CD3E: variants seen among roughly 807,000 people sequenced by gnomAD.
CD3E encodes T-cell surface glycoprotein CD3 epsilon chain.
CD3E carries 16 observed loss-of-function variants against 34.7 expected under a neutral mutation model. The observed-to-expected ratio is 0.46, with a 90% CI of 0.31 to 0.70. The LOEUF is 0.70. CD3E is among the 30% of genes least tolerant of loss of function. CD3E has a pLI of 0.05. For synonymous variants in CD3E, 70 were observed against 90.8 expected (o/e 0.77, Z 1.30); for missense variants, 223 against 253.9 (o/e 0.88, Z 0.83).
chr11:118,307,513 G>C (rs1279855466), intron 3 of CD3E, among the ~76,000 whole-genome samples: 11 of 152,146 alleles, frequency 7.2e-5, no homozygotes, highest in Admixed American at 6.5e-5. Context: ...AGGAAATAAT[G>C]AGTCTTAACC....
At position 118,313,860 on chromosome 11, in the gene CD3E, G is replaced by A. The variant is rs775996414; in HGVS notation, c.506G>A (p.Gly169Asp). ...AKPVTRGAGA[G>D]GRQRGQNKER... ...CCTGTGACACGAGGAGCGGGTGCTG[G>A]CGGCAGGCAAAGGGGTAAGGCTGTG... The change falls in exon 7 of 9, where the codon GGC (glycine) becomes GAC (aspartate). Residue 169 changes from glycine (G) to aspartate (D), a missense_variant. By Grantham distance (94) the Gly-to-Asp change is moderately conservative. Coordinates refer to ENST00000361763, the MANE Select transcript of CD3E (RefSeq NM_000733.4). 2 of 1,613,272 alleles carry A rather than the reference G, an allele frequency of 1.2e-6. No homozygotes were observed. The highest frequency in any genetic ancestry group is 1.7e-6 in the Non-Finnish European group (2 of 1,180,024).
intron 5 of CD3E, 27 bp downstream of exon 5, chr11:118,312,197 C>T (rs752441095): frequency 6.2e-7 from 1 of 1,601,590 alleles, no homozygotes; most frequent in East Asian, 2.2e-5. Context: ...TTTATTTATG[C>T]CCTGTCTGAG....
At chr11:118,306,245 C>T (rs770241855) in intron 2 of CD3E, among the ~76,000 whole-genome samples, 11 of 151,938 alleles carry the variant, frequency 7.2e-5, no homozygotes, top group Non-Finnish European at 7.4e-5. Flanking sequence ...CCTGTAAGCC[C>T]AGCATTTTGG....
At position 118,308,301 on chromosome 11, in the gene CD3E, C is replaced by G. The variant is rs1591267560; in HGVS notation, c.71-126C>G. 5.3e-6 allele frequency: 4 copies of G among 749,576 alleles called. No individual in the cohort carries two copies. The South Asian group carries it at 5.9e-5, about 11-fold the overall frequency. The allele number at this position is 749,576 out of a possible 1,614,324, so 46.4% of individuals were successfully genotyped here. On this transcript the variant is annotated intron_variant, in intron 3 of 8. Coordinates refer to ENST00000361763, the MANE Select transcript of CD3E (RefSeq NM_000733.4). Reference sequence around the variant, plus strand: ...GCCCATAACAGCTTTTTCTATGCAGCTGAGGGAATTGGAAGATCCATTGTT... The same window carrying G: ...GCCCATAACAGCTTTTTCTATGCAGGTGAGGGAATTGGAAGATCCATTGTT...
At chr11:118,306,197 A>G (rs1948104266) in intron 2 of CD3E, among the ~76,000 whole-genome samples, 1 of 151,980 alleles carries the variant, frequency 6.6e-6, no homozygotes, top group South Asian at 2.1e-4. Flanking sequence ...AAAAAGAAGA[A>G]GGAGGAGGAG....
At position 118,315,703 on chromosome 11, in the gene CD3E, T is replaced by G. The variant is rs201426171; in HGVS notation, c.*161T>G. Reference sequence around the variant, plus strand: ...GCCTGATCCCCCGCTCCCTCCTCCCTGCCTTCTCTGCTGGTACCCAGTCCT... The same window carrying G: ...GCCTGATCCCCCGCTCCCTCCTCCCGGCCTTCTCTGCTGGTACCCAGTCCT... On this transcript the variant is annotated 3_prime_UTR_variant, in exon 9 of 9. Transcript: ENST00000361763. 19 of 684,842 alleles carry G rather than the reference T, an allele frequency of 2.8e-5. No individual in the cohort carries two copies. Among genetic ancestry groups the G allele is most frequent in the Non-Finnish European group, 5.0e-5 (19 of 378,174 alleles). The allele number at this position is 684,842 out of a possible 1,614,324, so 42.4% of individuals were successfully genotyped here.
In CD3E at chr11:118,306,234, G is replaced by A. The variant is rs541432081; in HGVS notation, c.50-1054G>A. ...AGAAGGGCCAGGTGCAGTGGCTTACGCCTGTAAGCCCAGCATTTTGGGGGA... is the reference window on the plus strand; with the variant it reads ...AGAAGGGCCAGGTGCAGTGGCTTACACCTGTAAGCCCAGCATTTTGGGGGA... On this transcript the variant is annotated intron_variant, in intron 2 of 8. Transcript: ENST00000361763. Among the ~76,000 whole-genome samples, 10 of 152,170 alleles carry A rather than the reference G, an allele frequency of 6.6e-5. No homozygotes were observed. The East Asian group carries it at 1.5e-3, about 24-fold the overall frequency.
In CD3E at chr11:118,313,941, G is replaced by A. The variant is rs73612248; in HGVS notation, c.520+67G>A. On this transcript the variant is annotated intron_variant, in intron 7 of 8. Coordinates refer to ENST00000361763, the MANE Select transcript of CD3E (RefSeq NM_000733.4). ...GGGACGACCAGCCTGGGCCAGGGTGGGTGGCAAGTCCACAGCTAGGTCAGA... is the reference window on the plus strand; with the variant it reads ...GGGACGACCAGCCTGGGCCAGGGTGAGTGGCAAGTCCACAGCTAGGTCAGA... The A allele has an allele frequency of 4.6e-4, 718 of 1,551,932 alleles. 2 individuals are homozygous for A. The African/African-American group carries it at 9.0e-3, about 19-fold the overall frequency.
chr11:118,309,646 T>C (rs1248200652), intron 4 of CD3E, among the ~76,000 whole-genome samples: 11 of 152,220 alleles, frequency 7.2e-5, no homozygotes. Flanking sequence ...ATGCTGACTA[T>C]AGATGATAAG....
chr11:118,312,238 C>T, intron 5 of CD3E, 68 bp downstream of exon 5: 1 of 1,326,680 alleles, frequency 7.5e-7, no homozygotes, highest in South Asian at 1.2e-5. Flanking sequence ...TGAGAAGGAA[C>T]TGATTGAGAG....
chr11:118,313,759 A>G lies in CD3E; in HGVS notation c.405A>G (p.Ile135Met), dbSNP rs751299903. 6.2e-7 allele frequency: 1 copy of G among 1,614,084 alleles called. No individual in the cohort carries two copies. The highest frequency in any genetic ancestry group is 8.5e-7 in the Non-Finnish European group (1 of 1,179,988). ...TGATGTCGGTGGCCACAATTGTCATAGTGGACATCTGCATCACTGGGGGCT... is the reference window on the plus strand; with the variant it reads ...TGATGTCGGTGGCCACAATTGTCATGGTGGACATCTGCATCACTGGGGGCT... Reference protein sequence around the residue: ...MDVMSVATIVIVDICITGGLL... With the variant: ...MDVMSVATIVMVDICITGGLL... Residue 135 changes from isoleucine (I) to methionine (M), a missense_variant, in exon 7 of 9, where the codon ATA (isoleucine) becomes ATG (methionine). Transcript: ENST00000361763.
At chr11:118,312,101 T>C in intron 4 of CD3E, 52 bp from the exon 5 acceptor site, 1 of 1,547,408 alleles carries the variant, frequency 6.5e-7, no homozygotes, top group South Asian at 1.1e-5. Flanking sequence ...ACCTACAATT[T>C]AAACTTAAAC....
At position 118,313,028 on chromosome 11, in the gene CD3E, G is replaced by T. The variant is rs1948145076; in HGVS notation, c.352+162G>T. The T allele has an allele frequency of 3.6e-5, 29 of 803,800 alleles. No homozygotes were observed. The South Asian group carries it at 4.1e-4, about 11-fold the overall frequency. The allele number at this position is 803,800 out of a possible 1,614,324, so 49.8% of individuals were successfully genotyped here. On this transcript the variant is annotated intron_variant, in intron 6 of 8. Coordinates refer to ENST00000361763, the MANE Select transcript of CD3E (RefSeq NM_000733.4). ...CTCTCTGGTACCACACGGCATCAGT[G>T]TTTTCTGGAATATAGATTAAACACC...
At position 118,315,554 on chromosome 11, in the gene CD3E, A is replaced by C; in HGVS notation, c.*12A>C. 1 of 1,609,956 alleles carries C rather than the reference A, an allele frequency of 6.2e-7. No homozygotes were observed. Among genetic ancestry groups the C allele is most frequent in the African/African-American group, 1.3e-5 (1 of 74,820 alleles). The stretch of plus-strand genomic sequence containing the variant: ...AGAGACGCATCTGACCCTCTGGAGA[A>C]CACTGCCTCCCGCTGGCCCAGGTCT... On this transcript the variant is annotated 3_prime_UTR_variant, in exon 9 of 9. Transcript: ENST00000361763.
intron 5 of CD3E, chr11:118,312,394 CA>C (rs1948140379): frequency 1.4e-6 from 1 of 703,902 alleles, no homozygotes; most frequent in Non-Finnish European, 2.4e-6. Context: ...ACCCTAAAGC[CA>C]CCTCTCAAAA....
chr11:118,313,561 C>G (rs1316486932), intron 6 of CD3E, 146 bp from the exon 7 acceptor site: 1 of 767,730 alleles, frequency 1.3e-6, no homozygotes, highest in Non-Finnish European at 2.2e-6. Flanking sequence ...CAATGTTGTT[C>G]TAAACATATT....
At chr11:118,314,528 AG>A (rs1462242318) in intron 8 of CD3E, 34 bp downstream of exon 8, 2 of 1,601,368 alleles carry the variant, frequency 1.2e-6, no homozygotes, top group Non-Finnish European at 1.7e-6. Context: ...AGGACGCTGG[AG>A]GGGATGTCCC....
Position 118,315,542 on chromosome 11 carries a change from A to G in CD3E, c.624A>G (p.Ter208TrpextTer47). Residue 208 changes from the stop codon to tryptophan (W), a stop_lost, in exon 9 of 9, where the codon TGA (stop) becomes TGG (tryptophan). Coordinates refer to ENST00000361763, the MANE Select transcript of CD3E (RefSeq NM_000733.4). ...LYSGLNQRRI[*>W] ...CTGGCCTGAATCAGAGACGCATCTG[A>G]CCCTCTGGAGAACACTGCCTCCCGC... 6.2e-7 allele frequency: 1 copy of G among 1,611,636 alleles called. No homozygotes were observed. Among genetic ancestry groups the G allele is most frequent in the Non-Finnish European group, 8.5e-7 (1 of 1,179,208 alleles).
rs769877796 is a variant in CD3E, at chr11:118,315,475, T to G, written c.568-11T>G. On this transcript the variant is annotated splice_polypyrimidine_tract_variant and intron_variant, in intron 8 of 8. Coordinates refer to ENST00000361763, the MANE Select transcript of CD3E (RefSeq NM_000733.4). ...GCACCACTGACCGCCCCCTCTCTAT[T>G]TCACCCCCAGCCCATCCGGAAAGGC... 6.2e-7 allele frequency: 1 copy of G among 1,612,370 alleles called. No individual in the cohort carries two copies. The highest frequency in any genetic ancestry group is 1.1e-5 in the South Asian group (1 of 90,670).
Sources: gnomAD v4.1 joint callset for allele counts (sites outside exome capture counted in the v4.1 genomes callset) on GRCh38, gnomAD v4.1.1 for gene constraint, MANE v1.5 for transcripts, NCBI Gene and HGNC (gene_info 2026-07-23, HGNC 2026-07-21) for gene names.